PRIMA1: variants seen among roughly 807,000 people sequenced by gnomAD.
PRIMA1 encodes the protein proline rich membrane anchor 1, also known as proline-rich membrane anchor 1.
Under a neutral mutation model 17.5 loss-of-function variants are expected in PRIMA1, and 7 were observed. The observed-to-expected ratio is 0.40, with a 90% confidence interval of 0.23 to 0.75. The LOEUF is 0.75. PRIMA1 is among the 30% of genes least tolerant of loss of function. The pLI is 0.37. For missense variants in PRIMA1, 200 were observed against 201.8 expected (o/e 0.99, Z 0.05); for synonymous variants, 97 against 77.9 (o/e 1.25, Z -1.29).
At chr14:93,770,511 G>A (rs1254916448) in intron 3 of PRIMA1, among the ~76,000 whole-genome samples, 1 of 152,140 alleles carries the variant, frequency 6.6e-6, no homozygotes, top group Non-Finnish European at 1.5e-5. Flanking sequence ...CCTCTGATGA[G>A]AAAGCTCTTC....
At chr14:93,743,216 C>A (rs1000130927) in intron 3 of PRIMA1, among the ~76,000 whole-genome samples, 1 of 152,216 alleles carries the variant, frequency 6.6e-6, no homozygotes, top group Admixed American at 6.5e-5. Flanking sequence ...CCCATGGCTC[C>A]CTGGTTCCGG....
At chr14:93,734,845 G>C (rs752051088) in intron 4 of PRIMA1, among the ~76,000 whole-genome samples, 2 of 152,128 alleles carry the variant, frequency 1.3e-5, no homozygotes, top group Non-Finnish European at 2.9e-5. Context: ...ACAGACCCAG[G>C]AGCCAAGAGC....
chr14:93,774,606 G>A (rs1407352092), intron 3 of PRIMA1, among the ~76,000 whole-genome samples: 1 of 152,140 alleles, frequency 6.6e-6, no homozygotes, highest in Non-Finnish European at 1.5e-5. Context: ...TCTCCTTCGT[G>A]GCCTGTGCAG....
At chr14:93,784,373 G>A (rs1885463182) in intron 2 of PRIMA1, among the ~76,000 whole-genome samples, 1 of 151,956 alleles carries the variant, frequency 6.6e-6, no homozygotes, top group African/African-American at 2.4e-5. Flanking sequence ...TTGCTGTGTT[G>A]TCCAGGCTGG....
chr14:93,749,506 C>T (rs372113992), intron 3 of PRIMA1, among the ~76,000 whole-genome samples: 6 of 152,196 alleles, frequency 3.9e-5, no homozygotes, highest in South Asian at 4.2e-4. Context: ...CCCAGCTCAC[C>T]GAGACACTTA....
At chr14:93,749,458 C>T (rs2076247211) in intron 3 of PRIMA1, among the ~76,000 whole-genome samples, 1 of 152,166 alleles carries the variant, frequency 6.6e-6, no homozygotes, top group South Asian at 2.1e-4. Context: ...GGAAATTGGA[C>T]ATTCATTAAA....
At chr14:93,733,050 C>A (rs2076125397) in intron 4 of PRIMA1, among the ~76,000 whole-genome samples, 1 of 152,212 alleles carries the variant, frequency 6.6e-6, no homozygotes, top group South Asian at 2.1e-4. Context: ...AAGCCCGGGG[C>A]AATGAAGCCA....
intron 3 of PRIMA1, among the ~76,000 whole-genome samples, chr14:93,764,254 T>C (rs1193724363): frequency 1.3e-5 from 2 of 151,794 alleles, no homozygotes; most frequent in Non-Finnish European, 2.9e-5. Context: ...TGCAGGTCCC[T>C]CTGTGGAAGC....
chr14:93,764,305 A>G (rs960621519), intron 3 of PRIMA1, among the ~76,000 whole-genome samples: 1 of 126,118 alleles, frequency 7.9e-6, no homozygotes, highest in Non-Finnish European at 1.6e-5. Context: ...CTTCAGCTGA[A>G]GAATCGTCTC....
At chr14:93,782,279 A>ATACATACATAC (rs1225135581) in intron 2 of PRIMA1, among the ~76,000 whole-genome samples, 11,912 of 150,470 alleles carry the variant, frequency 0.079, 574 homozygotes, top group Non-Finnish European at 0.095. Context: ...AAAATAAATA[A>ATACATACATAC]ATAAATAAAT....
chr14:93,725,192 G>A (rs557671475), intron 4 of PRIMA1, among the ~76,000 whole-genome samples: 2 of 149,690 alleles, frequency 1.3e-5, no homozygotes, highest in East Asian at 3.9e-4. Context: ...GCAGAGGCTC[G>A]GCACCTGTGG....
intron 4 of PRIMA1, among the ~76,000 whole-genome samples, chr14:93,735,380 C>T (rs1342480084): frequency 6.6e-6 from 1 of 152,238 alleles, no homozygotes; most frequent in Non-Finnish European, 1.5e-5. Context: ...CGGCTGCTCC[C>T]CTCACAGGTG....
intron 3 of PRIMA1, among the ~76,000 whole-genome samples, chr14:93,741,235 C>G (rs568156644): frequency 2.6e-5 from 4 of 152,336 alleles, no homozygotes; most frequent in South Asian, 2.1e-4. Flanking sequence ...AATGTTGGAG[C>G]TGGAGGAAGT....
chr14:93,763,531 C>T (rs1044409781), intron 3 of PRIMA1, among the ~76,000 whole-genome samples: 1 of 152,216 alleles, frequency 6.6e-6, no homozygotes, highest in African/African-American at 2.4e-5. Context: ...GCCGAAGCAG[C>T]CATTTGTTTC....
At chr14:93,779,357 G>A in intron 2 of PRIMA1, 46 bp from the exon 3 acceptor site, 3 of 1,499,888 alleles carry the variant, frequency 2.0e-6, no homozygotes, top group South Asian at 2.7e-5. Flanking sequence ...AAGACCATAA[G>A]GCAACTAGAA....
At chr14:93,786,778 C>G (rs1885536960) in intron 2 of PRIMA1, among the ~76,000 whole-genome samples, 1 of 152,154 alleles carries the variant, frequency 6.6e-6, no homozygotes, top group Non-Finnish European at 1.5e-5. Flanking sequence ...TCAACAATGG[C>G]AGCAACCACT....
intron 3 of PRIMA1, 72 bp downstream of exon 3, chr14:93,779,104 A>ACGCTGCCCTCGGC: frequency 8.8e-7 from 1 of 1,140,766 alleles, no homozygotes; most frequent in Non-Finnish European, 1.2e-6. Context: ...GCCCTCGGCC[A>ACGCTGCCCTCGGC]CACTCAGTGG....
chr14:93,750,184 T>C (rs918800385), intron 3 of PRIMA1, among the ~76,000 whole-genome samples: 1 of 151,504 alleles, frequency 6.6e-6, no homozygotes, highest in African/African-American at 2.4e-5. Flanking sequence ...TGAGACTCCG[T>C]CTAAAAAAAA....
chr14:93,780,196 G>A (rs973427561), intron 2 of PRIMA1, among the ~76,000 whole-genome samples: 1 of 152,214 alleles, frequency 6.6e-6, no homozygotes, highest in African/African-American at 2.4e-5. Context: ...TCAGCTTGGC[G>A]ATGACCTCAC....
Sources: gnomAD v4.1 joint callset for allele counts (sites outside exome capture counted in the v4.1 genomes callset) on GRCh38, gnomAD v4.1.1 for gene constraint, MANE v1.5 for transcripts, NCBI Gene and HGNC (gene_info 2026-07-23, HGNC 2026-07-21) for gene names.